The following PRKN variants were observed in gnomAD, a reference collection of about 807,000 sequenced individuals.
PRKN encodes parkin RBR E3 ubiquitin protein ligase, also known as E3 ubiquitin-protein ligase parkin.
Under a neutral mutation model 59.5 loss-of-function variants are expected in PRKN, and 56 were observed. The observed-to-expected ratio is 0.94, with a 90% CI of 0.76 to 1.18. The LOEUF (loss-of-function observed/expected upper bound fraction) is 1.18, where lower values mean the gene tolerates loss of function less well. Among genes scored for constraint, PRKN ranks in the 50% most tolerant of loss-of-function variants. The pLI is 0.00. For missense variants in PRKN, 657 were observed against 596.4 expected (o/e 1.10, Z -1.06); for synonymous variants, 250 against 222.1 (o/e 1.13, Z -1.12).
At chr6:162,186,106 A>G (rs540855235) in intron 4 of PRKN, among the ~76,000 whole-genome samples, 83 of 152,214 alleles carry the variant, frequency 5.5e-4, no homozygotes, top group African/African-American at 1.9e-3. Context: ...CCCAATTCAC[A>G]TGGTTATTAA....
intron 6 of PRKN, among the ~76,000 whole-genome samples, chr6:161,923,799 G>A (rs778572454): frequency 4.6e-5 from 7 of 152,154 alleles, no homozygotes; most frequent in Admixed American, 1.3e-4. Context: ...AAGTTCAGCT[G>A]GTGCAGATTC....
intron 7 of PRKN, among the ~76,000 whole-genome samples, chr6:161,773,393 TG>T (rs1211244287): frequency 1.3e-5 from 2 of 152,204 alleles, no homozygotes; most frequent in Admixed American, 6.5e-5. Flanking sequence ...TGCCAACTGC[TG>T]ACGAGGCAGG....
chr6:162,228,346 C>T (rs184236415), intron 3 of PRKN, among the ~76,000 whole-genome samples: 1 of 152,118 alleles, frequency 6.6e-6, no homozygotes, highest in Admixed American at 6.5e-5. Context: ...AGATGCAAAG[C>T]ATAAGTGGGT....
chr6:161,544,081 T>G lies in PRKN; in HGVS notation c.1083+4773A>C, dbSNP rs1462213746. Among the ~76,000 whole-genome samples, 1 of 152,216 alleles carries G rather than the reference T, an allele frequency of 6.6e-6. No individual in the cohort carries two copies. ...GACTAGTATTTGGTACCAAAATACA[T>G]TCTCTGCTGCGTTCTATCTATGTAA... On this transcript the variant is annotated intron_variant, in intron 9 of 11. Transcript: ENST00000366898. The surrounding 1 kb of genome is among the most constrained non-coding windows in gnomAD (Gnocchi z 5.5).
chr6:162,571,395 T>G (rs1274012311), intron 1 of PRKN: 1 of 149,948 alleles, frequency 6.7e-6, no homozygotes, highest in Non-Finnish European at 1.5e-5. Context: ...ACGCATACTA[T>G]GTACCCACAA....
intron 6 of PRKN, among the ~76,000 whole-genome samples, chr6:161,795,230 T>TTC (rs1456476027): frequency 2.0e-5 from 3 of 146,432 alleles, no homozygotes; most frequent in East Asian, 2.0e-4. Context: ...TTTCTTTTCT[T>TTC]TTTTTTTTTT....
intron 6 of PRKN, among the ~76,000 whole-genome samples, chr6:161,849,583 A>G (rs932421849): frequency 6.6e-6 from 1 of 151,954 alleles, no homozygotes; most frequent in African/African-American, 2.4e-5. Flanking sequence ...GCACTGATTT[A>G]CCTGCCTTTA....
intron 1 of PRKN, among the ~76,000 whole-genome samples, chr6:162,705,927 T>A (rs1778322936): frequency 6.6e-6 from 1 of 152,168 alleles, no homozygotes; most frequent in South Asian, 2.1e-4. Context: ...ACTAAACACT[T>A]CTATTTATTC....
chr6:162,506,645 C>T (rs894744432), intron 1 of PRKN, among the ~76,000 whole-genome samples: 2 of 152,014 alleles, frequency 1.3e-5, no homozygotes, highest in African/African-American at 2.4e-5. Flanking sequence ...ATCATGATCC[C>T]GGGTGAAAGG....
chr6:161,994,386 T>C, intron 5 of PRKN, among the ~76,000 whole-genome samples: 1 of 151,924 alleles, frequency 6.6e-6, no homozygotes, highest in Admixed American at 6.6e-5. Context: ...GGGGAAAAGG[T>C]GAACGTCTAT....
intron 4 of PRKN, among the ~76,000 whole-genome samples, chr6:162,064,836 G>A (rs1778259748): frequency 6.6e-6 from 1 of 152,184 alleles, no homozygotes; most frequent in Non-Finnish European, 1.5e-5. Context: ...CAATGTGGTT[G>A]AAGAAGAAGG....
At chr6:161,570,444 T>C (rs2115483774) in intron 7 of PRKN, among the ~76,000 whole-genome samples, 1 of 147,926 alleles carries the variant, frequency 6.8e-6, no homozygotes, top group East Asian at 2.0e-4. Flanking sequence ...GGTCCACTTA[T>C]ACACAGATTT....
chr6:162,184,496 G>C (rs979362211), intron 4 of PRKN, among the ~76,000 whole-genome samples: 5 of 152,180 alleles, frequency 3.3e-5, no homozygotes, highest in Non-Finnish European at 7.3e-5. Flanking sequence ...CATGAGATCT[G>C]ATGGTTTTAT....
intron 7 of PRKN, among the ~76,000 whole-genome samples, chr6:161,771,392 T>A (rs3016564): frequency 0.5 from 61,102 of 122,338 alleles, 16,819 homozygotes; most frequent in Non-Finnish European, 0.56. Context: ...TAAAATAAAA[T>A]AAAATAAAAG....
chr6:162,208,134 G>A (rs1230985611), intron 3 of PRKN, among the ~76,000 whole-genome samples: 1 of 152,198 alleles, frequency 6.6e-6, no homozygotes, highest in Non-Finnish European at 1.5e-5. Context: ...TTACCAACAA[G>A]TAGAACTATT....
chr6:162,298,001 C>T (rs1781758541), intron 2 of PRKN, among the ~76,000 whole-genome samples: 1 of 152,138 alleles, frequency 6.6e-6, no homozygotes, highest in Non-Finnish European at 1.5e-5. Flanking sequence ...CTATTATTCT[C>T]CATTTTCACA....
At chr6:162,455,502 TTGTG>T (rs1033922751) in intron 1 of PRKN, among the ~76,000 whole-genome samples, 3 of 152,216 alleles carry the variant, frequency 2.0e-5, no homozygotes, top group African/African-American at 7.2e-5. Flanking sequence ...ACAGTAGTGT[TTGTG>T]TCTCTAAGCA....
intron 2 of PRKN, among the ~76,000 whole-genome samples, chr6:162,425,001 C>T (rs1477425835): frequency 1.3e-5 from 2 of 151,662 alleles, no homozygotes; most frequent in Non-Finnish European, 2.9e-5. Context: ...AGAATTAGAA[C>T]TAAAATCCTT....
chr6:162,645,935 CAA>C (rs1411762221), intron 1 of PRKN, among the ~76,000 whole-genome samples: 4 of 137,494 alleles, frequency 2.9e-5, no homozygotes, highest in Non-Finnish European at 6.1e-5. Context: ...AGTGCAGTGG[CAA>C]GATCTCAGCT....
Sources: gnomAD v4.1 joint callset for allele counts (sites outside exome capture counted in the v4.1 genomes callset) on GRCh38, gnomAD v4.1.1 for gene constraint, Gnocchi (gnomAD v3.1) non-coding constraint, MANE v1.5 for transcripts, NCBI Gene and HGNC (gene_info 2026-07-23, HGNC 2026-07-21) for gene names.